The following HDAC9 variants were observed in gnomAD, a reference collection of about 807,000 sequenced individuals.
The protein encoded by HDAC9 is MEF-2 interacting transcription repressor (MITR) protein.
In HDAC9, 41 loss-of-function variants were observed where a neutral mutation model predicts 139.4. The observed-to-expected ratio is 0.29, with a 90% CI of 0.23 to 0.38. HDAC9 has a LOEUF of 0.38. Among genes scored for constraint, HDAC9 ranks in the 10% least tolerant of loss-of-function variants. The pLI is 1.00. For synonymous variants in HDAC9, 517 were observed against 476.2 expected (o/e 1.09, Z -1.12); for missense variants, 1,147 against 1,297.0 (o/e 0.88, Z 1.78).
chr7:18,472,892 A>G (rs1476565321), intron 1 of HDAC9, among the ~76,000 whole-genome samples: 2 of 152,218 alleles, frequency 1.3e-5, no homozygotes, highest in African/African-American at 4.8e-5. Flanking sequence ...CCAGTTGTTT[A>G]GAACAGCACC....
chr7:18,985,537 C>T (rs1202966350), intron 25 of HDAC9, among the ~76,000 whole-genome samples: 3 of 151,798 alleles, frequency 2.0e-5, no homozygotes, highest in East Asian at 1.9e-4. Context: ...CGTACGTGTG[C>T]GTGTGTCTTT....
rs1449741471 is a variant in HDAC9, at chr7:18,658,991, G to A, written c.1468-7222G>A. Among the ~76,000 whole-genome samples the A allele has an allele frequency of 2.6e-5, 4 of 150,990 alleles. No individual in the cohort carries two copies. The East Asian group carries it at 7.8e-4, about 29-fold the overall frequency. On this transcript the variant is annotated intron_variant, in intron 11 of 25. Coordinates refer to ENST00000686413, the MANE Select transcript of HDAC9 (RefSeq NM_178425.4). ...TTAAAATCTGAGGCAAAATAAGAAA[G>A]TGATGAGTTGCATTGAAGTTCACTT...
chr7:18,320,960 ATAAT>A (rs1326793090), intron 1 of HDAC9, among the ~76,000 whole-genome samples: 2 of 152,198 alleles, frequency 1.3e-5, no homozygotes, highest in African/African-American at 4.8e-5. Context: ...GAAGAGAGAG[ATAAT>A]TAAGGAAATA....
intron 24 of HDAC9, among the ~76,000 whole-genome samples, chr7:18,975,089 A>ATT (rs1363234844): frequency 6.6e-6 from 1 of 152,222 alleles, no homozygotes; most frequent in Non-Finnish European, 1.5e-5. Flanking sequence ...GCCATTAACT[A>ATT]TGCTCTTTCA....
chr7:18,447,084 G>T (rs1303964557), intron 1 of HDAC9, among the ~76,000 whole-genome samples: 3 of 152,076 alleles, frequency 2.0e-5, no homozygotes, highest in Non-Finnish European at 4.4e-5. Context: ...AAATAAGATA[G>T]GATTACTGAC....
intron 21 of HDAC9, among the ~76,000 whole-genome samples, chr7:18,854,192 T>C (rs1379171270): frequency 6.6e-6 from 1 of 152,210 alleles, no homozygotes; most frequent in African/African-American, 2.4e-5. Flanking sequence ...TAATGTGATG[T>C]ACCTGTGGGT....
intron 1 of HDAC9, among the ~76,000 whole-genome samples, chr7:18,369,701 T>C (rs1034839170): frequency 5.9e-5 from 9 of 152,036 alleles, no homozygotes; most frequent in Non-Finnish European, 1.3e-4. Flanking sequence ...TTTTTCTATA[T>C]GTCAGAAACA....
At position 18,870,540 on chromosome 7, in the gene HDAC9, G is replaced by A. The variant is rs552920610; in HGVS notation, c.2685-3938G>A. On this transcript the variant is annotated intron_variant, in intron 21 of 25. Coordinates refer to ENST00000686413, the MANE Select transcript of HDAC9 (RefSeq NM_178425.4). ...GAGATGTTAACTTTATTCAGGTAGT[G>A]TCTGAAGTTTTCTTCATTTCAAAGT... Among the ~76,000 whole-genome samples, 3 of 152,234 alleles carry A rather than the reference G, an allele frequency of 2.0e-5. No individual in the cohort carries two copies. In the South Asian group the frequency reaches 6.2e-4, roughly 32 times the overall value.
intron 2 of HDAC9, among the ~76,000 whole-genome samples, chr7:18,218,527 C>T (rs991253604): frequency 1.9e-4 from 29 of 152,076 alleles, no homozygotes; most frequent in Admixed American, 1.8e-3. Flanking sequence ...ACTAACCAAC[C>T]GTTATACAGT....
At position 18,126,969 on chromosome 7, in the gene HDAC9, G is replaced by A. The variant is rs558947232; in HGVS notation, c.-96-35260G>A. Among the ~76,000 whole-genome samples the A allele has an allele frequency of 3.9e-5, 6 of 152,256 alleles. No homozygotes were observed. In the East Asian group the frequency reaches 5.8e-4, roughly 15 times the overall value. ...AGCTCCAGACAAAACTGTGAAGTACGTGAACGAAAGAGGATAAATGAATAG... is the reference window on the plus strand; with the variant it reads ...AGCTCCAGACAAAACTGTGAAGTACATGAACGAAAGAGGATAAATGAATAG... On this transcript the variant is annotated intron_variant, in intron 1 of 12. Transcript: ENST00000417496.
rs1192434684 is a variant in HDAC9 at position 18,590,320 on chromosome 7, T to C, written c.265-16T>C. 1.9e-6 allele frequency: 3 copies of C among 1,611,654 alleles called. No homozygotes were observed. Among genetic ancestry groups the C allele is most frequent in the African/African-American group, 2.7e-5 (2 of 74,872 alleles). ...TAAAGAAATTGCACACTCTCATGTC[T>C]TTCTCTTCTCGCAAGTTGCAACAGG... is the stretch of plus-strand genomic sequence containing the variant. On this transcript the variant is annotated splice_polypyrimidine_tract_variant and intron_variant, in intron 3 of 25. Transcript: ENST00000686413.
At chr7:18,705,587 A>G (rs917357643) in intron 12 of HDAC9, among the ~76,000 whole-genome samples, 1 of 152,152 alleles carries the variant, frequency 6.6e-6, no homozygotes, top group African/African-American at 2.4e-5. Context: ...ACAGTGGCTC[A>G]TGCCTGTAAT....
intron 13 of HDAC9, among the ~76,000 whole-genome samples, chr7:18,747,093 T>C (rs553778714): frequency 2.0e-5 from 3 of 152,246 alleles, no homozygotes; most frequent in African/African-American, 7.2e-5. Context: ...TGCTAGGATT[T>C]TGATCTTTTT....
At chr7:18,418,560 A>G (rs138180100) in intron 1 of HDAC9, among the ~76,000 whole-genome samples, 1 of 152,170 alleles carries the variant, frequency 6.6e-6, no homozygotes, top group African/African-American at 2.4e-5. Flanking sequence ...ATGGGTACTT[A>G]CCTTTAAGGA....
intron 1 of HDAC9, among the ~76,000 whole-genome samples, chr7:18,314,215 C>T (rs1026706422): frequency 1.3e-5 from 2 of 152,110 alleles, no homozygotes; most frequent in Non-Finnish European, 2.9e-5. Flanking sequence ...GGTGAGGAGG[C>T]CATTGTATTC....
intron 2 of HDAC9, among the ~76,000 whole-genome samples, chr7:18,551,153 A>T (rs563470754): frequency 1.8e-3 from 277 of 152,334 alleles, no homozygotes; most frequent in Non-Finnish European, 2.0e-3. Context: ...GGGCATGAGC[A>T]TCTGGAAGGT....
chr7:18,597,975 T>G (rs1408678054), intron 6 of HDAC9, among the ~76,000 whole-genome samples: 1 of 152,182 alleles, frequency 6.6e-6, no homozygotes, highest in Non-Finnish European at 1.5e-5. Flanking sequence ...TTTTCCACAC[T>G]GAGTAAACTG....
chr7:18,295,830 C>G (rs145998260), intron 1 of HDAC9, among the ~76,000 whole-genome samples: 1 of 152,214 alleles, frequency 6.6e-6, no homozygotes, highest in African/African-American at 2.4e-5. Flanking sequence ...TAGGGGGCAG[C>G]ATCTAGGGGG....
intron 2 of HDAC9, among the ~76,000 whole-genome samples, chr7:18,220,386 G>A (rs1422468098): frequency 6.6e-6 from 1 of 152,164 alleles, no homozygotes; most frequent in Non-Finnish European, 1.5e-5. Flanking sequence ...TAGACTAGCA[G>A]TATGAACTTT....
Sources: gnomAD v4.1 joint callset for allele counts (sites outside exome capture counted in the v4.1 genomes callset) on GRCh38, gnomAD v4.1.1 for gene constraint, MANE v1.5 for transcripts, NCBI Gene and HGNC (gene_info 2026-07-23, HGNC 2026-07-21) for gene names.